Variants in HNRNPK observed in about 807,000 individuals in gnomAD.
HNRNPK encodes dC-stretch binding protein.
In HNRNPK, 7 loss-of-function variants were observed where a neutral mutation model predicts 67.0. That is an observed-to-expected ratio of 0.10 (90% CI 0.06 to 0.20). The LOEUF (loss-of-function observed/expected upper bound fraction) is 0.20. Ranked by LOEUF, HNRNPK falls within the 10% of genes least tolerant of loss-of-function variation. The probability of loss-of-function intolerance (pLI) is 1.00; values close to 1 mark genes in which losing one functional copy is unlikely to be tolerated. For synonymous variants in HNRNPK, 213 were observed against 193.7 expected (o/e 1.10, Z -0.83); for missense variants, 264 against 606.5 (o/e 0.44, Z 5.93).
intron 3 of HNRNPK, 58 bp from the exon 4 acceptor site, chr9:83,977,844 T>C: frequency 1.9e-6 from 2 of 1,076,784 alleles, no homozygotes; most frequent in South Asian, 1.3e-5. Flanking sequence ...AGTAACTCCA[T>C]TCTGTTTCAA....
intron 11 of HNRNPK, 32 bp from the exon 12 acceptor site, chr9:83,971,758 G>C: frequency 1.2e-6 from 2 of 1,602,454 alleles, no homozygotes; most frequent in Non-Finnish European, 1.7e-6. Flanking sequence ...TAATCTAAAC[G>C]TGCTTACATG....
At chr9:83,978,327 G>C (rs1385012417) in intron 2 of HNRNPK, 46 bp downstream of exon 2, 2 of 1,267,024 alleles carry the variant, frequency 1.6e-6, no homozygotes, top group Non-Finnish European at 1.0e-6. Flanking sequence ...TGGAAAGCAA[G>C]CTGTAAAAAA....
rs979039690 is a variant in HNRNPK, at chr9:83,974,635, G to C, written c.258-46C>G. The C allele has an allele frequency of 3.0e-6, 4 of 1,355,438 alleles. No homozygotes were observed. The African/African-American group carries it at 5.8e-5, about 20-fold the overall frequency. 84.0% of individuals were successfully genotyped at this position (1,355,438 alleles called of 1,614,324 possible). ...CAGATAGTACAAAAAAGGTGGAAAA[G>C]AAAAATGAGTTTTGTGTTTGTCACC... On this transcript the variant is annotated intron_variant, in intron 6 of 16. Transcript: ENST00000376263.
rs753900682 is a variant in HNRNPK, at chr9:83,974,511, G to A, written c.330+6C>T. ...GTCAAATACATTTAAAAAAAAATGAGCCTACCTCTTCCAAGGTAGGGATGA... is the reference window on the plus strand; with the variant it reads ...GTCAAATACATTTAAAAAAAAATGAACCTACCTCTTCCAAGGTAGGGATGA... On this transcript the variant is annotated splice_donor_region_variant and intron_variant, in intron 7 of 16. Coordinates refer to ENST00000376263, the MANE Select transcript of HNRNPK (RefSeq NM_031263.4). 6.9e-7 allele frequency: 1 copy of A among 1,445,306 alleles called. No homozygotes were observed. The highest frequency in any genetic ancestry group is 9.6e-7 in the Non-Finnish European group (1 of 1,036,816). 89.5% of individuals were successfully genotyped at this position (1,445,306 alleles called of 1,614,324 possible). A position where few individuals can be genotyped will look rare whatever the true frequency, so the allele number is the denominator to read the frequency against.
chr9:83,977,649 G>A, intron 4 of HNRNPK, 40 bp downstream of exon 4: 1 of 1,221,404 alleles, frequency 8.2e-7, no homozygotes, highest in Non-Finnish European at 1.2e-6. Context: ...TTCTACCTGA[G>A]TATGAACCAC....
At chr9:83,973,143 A>G (rs927965570) in intron 9 of HNRNPK, 143 bp downstream of exon 9, 124 of 734,116 alleles carry the variant, frequency 1.7e-4, no homozygotes, top group Admixed American at 5.1e-4. Context: ...TAACATGTCT[A>G]GCAGTGCCAG....
rs568583195 is a variant in HNRNPK at position 83,970,348 on chromosome 9, A to G, written c.1192-17T>C. On this transcript the variant is annotated splice_polypyrimidine_tract_variant and intron_variant, in intron 15 of 16. Transcript: ENST00000376263. ...TCCAGCCAACTGAAAAGATTTTTTA[A>G]AAGTATGTGTTTACGATATACTTTT... The G allele has an allele frequency of 1.6e-4, 260 of 1,600,782 alleles. No homozygotes were observed. The highest frequency in any genetic ancestry group is 6.1e-4 in the Admixed American group (36 of 58,914).
chr9:83,979,993 C>T (rs1957308668), intron 1 of HNRNPK, among the ~76,000 whole-genome samples, 160 bp downstream of exon 1: 1 of 152,224 alleles, frequency 6.6e-6, no homozygotes, highest in African/African-American at 2.4e-5. Flanking sequence ...CGGATACACG[C>T]TCAGGGAAAT....
Position 83,973,972 on chromosome 9 carries a change from C to A in HNRNPK, c.332G>T (p.Gly111Val), listed in dbSNP as rs1394018662. 2.5e-6 allele frequency: 4 copies of A among 1,611,652 alleles called. No individual in the cohort carries two copies. The South Asian group carries it at 4.4e-5, about 18-fold the overall frequency. ...TGCAGTGGGTGATGGCAACTGCAGG[C>A]CCTGAAAGTAGAAAAATAAGAGTAA... The part of the protein sequence containing the change: ...LKKIIPTLEE[G>V]LQLPSPTATS... Residue 111 changes from glycine (G) to valine (V), a missense_variant and splice_region_variant, in exon 8 of 17, where the codon GGC (glycine) becomes GTC (valine). Physicochemically the swap from Gly to Val is moderately radical, Grantham distance 109. Transcript: ENST00000376263.
intron 5 of HNRNPK, chr9:83,976,600 A>G (rs1264554573): frequency 1.9e-5 from 3 of 157,470 alleles, no homozygotes; most frequent in African/African-American, 7.2e-5. Context: ...CTTCCCAAAG[A>G]AAACAAAAAA....
Position 83,971,741 on chromosome 9 carries a change from C to T in HNRNPK, c.954-15G>A, listed in dbSNP as rs1288320473. ...CCATGAGGTCTCTGCAAGCATAGTA[C>T]TTGTTGTAATCTAAACGTGCTTACA... is the stretch of plus-strand genomic sequence containing the variant. On this transcript the variant is annotated splice_polypyrimidine_tract_variant and intron_variant, in intron 11 of 16. Coordinates refer to ENST00000376263, the MANE Select transcript of HNRNPK (RefSeq NM_031263.4). The T allele has an allele frequency of 6.2e-7, 1 of 1,612,832 alleles. No homozygotes were observed. The highest frequency in any genetic ancestry group is 1.7e-5 in the Admixed American group (1 of 60,008).
intron 9 of HNRNPK, 110 bp downstream of exon 9, chr9:83,973,176 A>G: frequency 1.3e-6 from 1 of 798,720 alleles, no homozygotes; most frequent in Non-Finnish European, 2.1e-6. Flanking sequence ...ATTTGCGATA[A>G]GCAATCTTTG....
chr9:83,971,449 A>G lies in HNRNPK; in HGVS notation c.1009-93T>C, dbSNP rs566110804. The G allele has an allele frequency of 3.2e-5, 30 of 941,544 alleles. No individual in the cohort carries two copies. The South Asian group carries it at 3.8e-4, about 12-fold the overall frequency. The allele number at this position is 941,544 out of a possible 1,614,324, so 58.3% of individuals were successfully genotyped here. On this transcript the variant is annotated intron_variant, in intron 12 of 16. Coordinates refer to ENST00000376263, the MANE Select transcript of HNRNPK (RefSeq NM_031263.4). ...CTAATTTGCATGTTACATTAAAACA[A>G]AAGAGGGTACATATATAGGCAGCAA...
chr9:83,968,219 C>G lies in HNRNPK; in HGVS notation c.*1188G>C, dbSNP rs1276809079. ...TTATTTATTTGGAAGTGAATTTTAACTATCAATACAAATGCCAAGATACTA... is the reference window on the plus strand; with the variant it reads ...TTATTTATTTGGAAGTGAATTTTAAGTATCAATACAAATGCCAAGATACTA... On this transcript the variant is annotated 3_prime_UTR_variant, in exon 17 of 17. Transcript: ENST00000376263. 1 of 152,268 alleles carries G rather than the reference C, an allele frequency of 6.6e-6. No individual in the cohort carries two copies. The highest frequency in any genetic ancestry group is 1.5e-5 in the Non-Finnish European group (1 of 67,966). 9.4% of individuals were successfully genotyped at this position (152,268 alleles called of 1,614,324 possible). A position where few individuals can be genotyped will look rare whatever the true frequency, so the allele number is the denominator to read the frequency against.
At chr9:83,970,949 C>T (rs1473531326) in intron 13 of HNRNPK, 37 bp from the exon 14 acceptor site, 1 of 1,596,954 alleles carries the variant, frequency 6.3e-7, no homozygotes. Context: ...AATTACTTTG[C>T]CGTTGTAATT....
Position 83,977,892 on chromosome 9 carries a change from C to A in HNRNPK, c.59-106G>T, listed in dbSNP as rs912947081. ...TAATCTTAGGCATGTTTTGAAAAGA[C>A]CAAAGGCATTGCTACAGACTTGAAC... On this transcript the variant is annotated intron_variant, in intron 3 of 16. Transcript: ENST00000376263. 3 of 714,834 alleles carry A rather than the reference C, an allele frequency of 4.2e-6. No individual in the cohort carries two copies. In the South Asian group the frequency reaches 5.2e-5, roughly 12 times the overall value. 44.3% of individuals were successfully genotyped at this position (714,834 alleles called of 1,614,324 possible).
In HNRNPK at chr9:83,972,976, T is replaced by TA; in HGVS notation, c.517-5dup. ...GCTTGATGGTGGTTTGAGTGTTCTG[T>TA]AGTAAGATCATAAAAAAAAATAATA... On this transcript the variant is annotated splice_region_variant and splice_polypyrimidine_tract_variant and intron_variant, in intron 9 of 16. Transcript: ENST00000376263. 6.4e-7 allele frequency: 1 copy of TA among 1,569,832 alleles called. No homozygotes were observed. Among genetic ancestry groups the TA allele is most frequent in the Non-Finnish European group, 8.6e-7 (1 of 1,158,606 alleles).
chr9:83,976,917 T>C (rs1957091884), intron 5 of HNRNPK, 78 bp downstream of exon 5: 1 of 778,154 alleles, frequency 1.3e-6, no homozygotes, highest in South Asian at 1.8e-5. Context: ...AAATGATTTC[T>C]AGGATGTAAA....
chr9:83,974,883 A>G (rs1957007533), intron 6 of HNRNPK, among the ~76,000 whole-genome samples: 1 of 152,204 alleles, frequency 6.6e-6, no homozygotes, highest in East Asian at 1.9e-4. Context: ...TTGAATATTT[A>G]TGTTCCCCGC....
Sources: allele counts gnomAD v4.1 joint callset (sites outside exome capture counted in the v4.1 genomes callset), GRCh38; gene constraint gnomAD v4.1.1; transcripts MANE v1.5; gene names NCBI Gene and HGNC (gene_info 2026-07-23, HGNC 2026-07-21).